The following TAFA5 variants were observed in gnomAD, a reference collection of about 807,000 sequenced individuals.
TAFA5 encodes chemokine-like protein TAFA-5.
In TAFA5, 6 loss-of-function variants were observed where a neutral mutation model predicts 15.3. The ratio of observed to expected loss-of-function variants is 0.39; its 90% CI spans 0.21 to 0.77. The LOEUF is 0.77. Among genes scored for constraint, TAFA5 ranks in the 30% least tolerant of loss-of-function variants. TAFA5 has a pLI of 0.41. For synonymous variants in TAFA5, 103 were observed against 80.7 expected, an observed-to-expected ratio of 1.28 and a Z score of -1.48; for missense variants, 161 against 193.1, an observed-to-expected ratio of 0.83 and a Z score of 0.98.
chr22:48,532,454 G>A (rs933585144), intron 1 of TAFA5, among the ~76,000 whole-genome samples: 1 of 152,214 alleles, frequency 6.6e-6, no homozygotes, highest in Non-Finnish European at 1.5e-5. Context: ...TACCCAGCAA[G>A]GATTTATTGT....
chr22:48,509,809 G>A (rs959046836), intron 1 of TAFA5, among the ~76,000 whole-genome samples: 6 of 151,968 alleles, frequency 3.9e-5, no homozygotes, highest in South Asian at 4.2e-4. Context: ...AAATTAGCCG[G>A]GCACAGTGGC....
chr22:48,611,261 C>A (rs1288961992), intron 1 of TAFA5, among the ~76,000 whole-genome samples: 1 of 152,228 alleles, frequency 6.6e-6, no homozygotes, highest in Non-Finnish European at 1.5e-5. Context: ...GAAAACACAG[C>A]TAGCGGCAGA....
At position 48,550,239 on chromosome 22, in the gene TAFA5, G is replaced by A. The variant is rs537129705; in HGVS notation, c.112+60535G>A. 2.6e-5 allele frequency among the ~76,000 whole-genome samples: 4 copies of A among 152,318 alleles called. No homozygotes were observed. The highest frequency in any genetic ancestry group is 9.6e-5 in the African/African-American group (4 of 41,578). On this transcript the variant is annotated intron_variant, in intron 1 of 3. Transcript: ENST00000402357. The surrounding 1 kb of genome is among the most constrained non-coding windows in gnomAD (Gnocchi z 4.1). Reference sequence around the variant, plus strand: ...CCAGGAGTTGAGTGCTTGGCTCCAGGGCCTGGGCAGATGGCGCATCTGGCC... The same window carrying A: ...CCAGGAGTTGAGTGCTTGGCTCCAGAGCCTGGGCAGATGGCGCATCTGGCC...
At chr22:48,581,033 C>T (rs1037047158) in intron 1 of TAFA5, among the ~76,000 whole-genome samples, 1 of 152,210 alleles carries the variant, frequency 6.6e-6, no homozygotes, top group Admixed American at 6.5e-5. Context: ...TGAATGGCTG[C>T]TGGGAGGGGT....
chr22:48,548,924 T>C (rs535046362), intron 1 of TAFA5, among the ~76,000 whole-genome samples: 2 of 152,360 alleles, frequency 1.3e-5, no homozygotes, highest in Admixed American at 6.5e-5. Flanking sequence ...TCATTGTCTT[T>C]TTGGGAATTA....
At chr22:48,523,563 G>T (rs180810101) in intron 1 of TAFA5, among the ~76,000 whole-genome samples, 9 of 152,318 alleles carry the variant, frequency 5.9e-5, no homozygotes, top group African/African-American at 1.7e-4. Flanking sequence ...ACGGGGCTTG[G>T]TGCCACATCC....
chr22:48,726,987 G>A (rs749752128), intron 3 of TAFA5, among the ~76,000 whole-genome samples: 10 of 152,228 alleles, frequency 6.6e-5, no homozygotes, highest in Non-Finnish European at 1.5e-4. Flanking sequence ...TGTATCTTCC[G>A]TACGGGGTCA....
chr22:48,510,092 A>G (rs1334302927), intron 1 of TAFA5, among the ~76,000 whole-genome samples: 1 of 152,254 alleles, frequency 6.6e-6, no homozygotes, highest in Non-Finnish European at 1.5e-5. Flanking sequence ...AAACTGCTAG[A>G]AGAAAACGTA....
intron 1 of TAFA5, among the ~76,000 whole-genome samples, chr22:48,625,750 G>A (rs1051791246): frequency 1.3e-5 from 2 of 152,220 alleles, no homozygotes; most frequent in Non-Finnish European, 2.9e-5. Context: ...TAGTGGAATT[G>A]TGGGGGTTTT....
At chr22:48,525,267 C>T (rs1027323840) in intron 1 of TAFA5, among the ~76,000 whole-genome samples, 2 of 152,182 alleles carry the variant, frequency 1.3e-5, no homozygotes, top group Admixed American at 6.5e-5. Context: ...CCAGGGGATG[C>T]TCCCCATGGG....
At chr22:48,605,321 GTGATGATGGTGA>G (rs1569044192) in intron 1 of TAFA5, among the ~76,000 whole-genome samples, 3 of 83,108 alleles carry the variant, frequency 3.6e-5, no homozygotes, top group South Asian at 3.8e-4. Flanking sequence ...GGTGGTGATG[GTGATGATGGTGA>G]TGATGGTGAT....
chr22:48,570,994 T>C (rs1277351881), intron 1 of TAFA5, among the ~76,000 whole-genome samples: 1 of 152,202 alleles, frequency 6.6e-6, no homozygotes, highest in African/African-American at 2.4e-5. Flanking sequence ...TTATCCCATA[T>C]CTCCAAGTAC....
chr22:48,611,036 C>G (rs1323014448), intron 1 of TAFA5, among the ~76,000 whole-genome samples: 2 of 151,762 alleles, frequency 1.3e-5, no homozygotes, highest in African/African-American at 4.8e-5. Context: ...TGGGTTCAAG[C>G]GATTCTCCTG....
At chr22:48,616,299 G>C (rs28451651) in intron 1 of TAFA5, among the ~76,000 whole-genome samples, 67,782 of 152,134 alleles carry the variant, frequency 0.45, 16,061 homozygotes, top group South Asian at 0.52. Context: ...CCGCCGTGCT[G>C]ATTTTCTAAA....
chr22:48,596,600 T>G (rs548546837), intron 1 of TAFA5, among the ~76,000 whole-genome samples: 6 of 152,284 alleles, frequency 3.9e-5, no homozygotes, highest in African/African-American at 1.4e-4. Context: ...ACAGCTGGCA[T>G]GAGGGAGGCG....
rs372233091 is a variant in TAFA5 at position 48,515,213 on chromosome 22, CCT to C, written c.112+25513_112+25514del. Among the ~76,000 whole-genome samples the C allele has an allele frequency of 3.8e-3, 580 of 151,916 alleles. 3 individuals carry two copies. The highest frequency in any genetic ancestry group is 0.026 in the South Asian group (124 of 4,804). ...GAGCCCAGGCTTGCACAGGCAGCGT[CCT>C]CTCAGCAGTGGGTGAAGAACCTCAG... On this transcript the variant is annotated intron_variant, in intron 1 of 3. Coordinates refer to ENST00000402357, the MANE Select transcript of TAFA5 (RefSeq NM_001082967.3).
At chr22:48,509,826 C>T (rs899933984) in intron 1 of TAFA5, among the ~76,000 whole-genome samples, 2 of 151,914 alleles carry the variant, frequency 1.3e-5, no homozygotes, top group African/African-American at 4.8e-5. Context: ...TGGCGGGCGC[C>T]TGTAGTCCCA....
At chr22:48,655,836 T>TC (rs1555896454) in intron 2 of TAFA5, among the ~76,000 whole-genome samples, 7 of 113,422 alleles carry the variant, frequency 6.2e-5, no homozygotes, top group African/African-American at 2.3e-4. Flanking sequence ...GATTCTTTTT[T>TC]TTTTTTTTTT....
chr22:48,698,149 GTGA>G (rs899402960), intron 2 of TAFA5, among the ~76,000 whole-genome samples: 7 of 151,464 alleles, frequency 4.6e-5, no homozygotes, highest in Non-Finnish European at 5.9e-5. Context: ...TTATGTGATG[GTGA>G]TGATGATAGT....
Sources: gnomAD v4.1 joint callset for allele counts (sites outside exome capture counted in the v4.1 genomes callset) on GRCh38, gnomAD v4.1.1 for gene constraint, Gnocchi (gnomAD v3.1) non-coding constraint, MANE v1.5 for transcripts, NCBI Gene and HGNC (gene_info 2026-07-23, HGNC 2026-07-21) for gene names.